The following EIF4G3 variants were observed in gnomAD, a reference collection of about 807,000 sequenced individuals.
The protein encoded by EIF4G3 is eIF-4-gamma 3.
In EIF4G3, 34 loss-of-function variants were observed where a neutral mutation model predicts 186.4. That is an observed-to-expected ratio of 0.18 (90% CI 0.14 to 0.24). The LOEUF (loss-of-function observed/expected upper bound fraction) is 0.24, where lower values mean the gene tolerates loss of function less well. EIF4G3 is among the 10% of genes least tolerant of loss of function. The probability of loss-of-function intolerance (pLI) is 1.00; values close to 1 mark genes in which losing one functional copy is unlikely to be tolerated. For missense variants in EIF4G3, 1,536 were observed against 1,948.5 expected, an observed-to-expected ratio of 0.79 and a Z score of 3.99; for synonymous variants, 673 against 679.5, an observed-to-expected ratio of 0.99 and a Z score of 0.15.
At chr1:20,814,789 C>CCCTCTT (rs1217391809) in intron 34 of EIF4G3, among the ~76,000 whole-genome samples, 138 of 106,254 alleles carry the variant, frequency 1.3e-3, no homozygotes, top group Non-Finnish European at 2.0e-3. Flanking sequence ...CTCCCCCTCT[C>CCCTCTT]CCTCTCCCCA....
intron 4 of EIF4G3, among the ~76,000 whole-genome samples, chr1:21,007,753 A>G (rs976081073): frequency 6.6e-6 from 1 of 152,014 alleles, no homozygotes; most frequent in Non-Finnish European, 1.5e-5. Flanking sequence ...TAAAAACTAT[A>G]TATATGCACA....
chr1:21,093,020 C>T (rs989633041), intron 2 of EIF4G3, among the ~76,000 whole-genome samples: 5 of 152,086 alleles, frequency 3.3e-5, no homozygotes, highest in African/African-American at 1.2e-4. Context: ...TAGGCAATAC[C>T]ATTCAGGACA....
At chr1:21,100,367 G>A (rs776936893) in intron 2 of EIF4G3, among the ~76,000 whole-genome samples, 1 of 151,928 alleles carries the variant, frequency 6.6e-6, no homozygotes, top group Non-Finnish European at 1.5e-5. Flanking sequence ...TGAATTTTAT[G>A]GTGTGTGAAT....
intron 34 of EIF4G3, among the ~76,000 whole-genome samples, chr1:20,816,316 AGGGAGGCGGGGGGGGGGGG>A (rs2060834913): frequency 5.1e-3 from 5 of 976 alleles, no homozygotes; most frequent in Admixed American, 0.029. Flanking sequence ...CCCGTCCGGG[AGGGAGGCGGGGGGGGGGGG>A]GGTCGGCCAG....
intron 4 of EIF4G3, among the ~76,000 whole-genome samples, chr1:21,010,341 A>AT: frequency 6.6e-6 from 1 of 150,502 alleles, no homozygotes; most frequent in Non-Finnish European, 1.5e-5. Flanking sequence ...AATCAGTTGA[A>AT]CCCAGGAGGC....
intron 10 of EIF4G3, among the ~76,000 whole-genome samples, chr1:20,974,148 C>A (rs929945042): frequency 1.3e-5 from 2 of 152,138 alleles, no homozygotes; most frequent in Admixed American, 1.3e-4. Flanking sequence ...CTTACCAGAT[C>A]TTCAAATACA....
At chr1:20,823,920 AGGGG>A (rs2062997766) in intron 33 of EIF4G3, among the ~76,000 whole-genome samples, 2 of 152,228 alleles carry the variant, frequency 1.3e-5, no homozygotes, top group Non-Finnish European at 2.9e-5. Context: ...GTAGAAAATA[AGGGG>A]ACCTAAGTTG....
In EIF4G3 at chr1:21,085,674, G is replaced by C. The variant is rs553059077; in HGVS notation, c.-196+3464C>G. On this transcript the variant is annotated intron_variant, in intron 3 of 36. Transcript: ENST00000602326. Reference sequence around the variant, plus strand: ...GGCCTCCCCAAGTGCTGAGATTACAGGTAGGAGACAGCACAATCAGCCAAA... The same window carrying C: ...GGCCTCCCCAAGTGCTGAGATTACACGTAGGAGACAGCACAATCAGCCAAA... 3.2e-4 allele frequency among the ~76,000 whole-genome samples: 49 copies of C among 152,200 alleles called. No individual in the cohort carries two copies. The East Asian group carries it at 7.1e-3, about 22-fold the overall frequency.
chr1:21,017,725 A>G (rs1038415651), intron 4 of EIF4G3, among the ~76,000 whole-genome samples: 1 of 151,870 alleles, frequency 6.6e-6, no homozygotes, highest in Non-Finnish European at 1.5e-5. Flanking sequence ...AAACAAAAAA[A>G]TTTAAAAAGC....
chr1:20,853,147 T>C (rs904852772), intron 27 of EIF4G3, among the ~76,000 whole-genome samples: 2 of 152,076 alleles, frequency 1.3e-5, no homozygotes, highest in African/African-American at 2.4e-5. Context: ...AGCAGAAAGA[T>C]AGTGAAATAT....
chr1:20,883,338 G>GC (rs1233376901), intron 19 of EIF4G3, among the ~76,000 whole-genome samples: 2 of 152,144 alleles, frequency 1.3e-5, no homozygotes, highest in Non-Finnish European at 2.9e-5. Context: ...GGAAATGAGG[G>GC]CCGGGGGTGG....
At chr1:21,008,868 T>C (rs984433731) in intron 4 of EIF4G3, among the ~76,000 whole-genome samples, 5 of 152,172 alleles carry the variant, frequency 3.3e-5, no homozygotes, top group Non-Finnish European at 7.4e-5. Flanking sequence ...ATAAATTGTG[T>C]TGAGAAAACT....
Position 20,960,459 on chromosome 1 carries a change from T to C in EIF4G3, c.714+9015A>G, listed in dbSNP as rs529291999. The stretch of plus-strand genomic sequence containing the variant: ...CTAGCCTGGGCAACAGAGACTCTGT[T>C]TCAAAATAAAAAAAAAATTCAGCTG... On this transcript the variant is annotated intron_variant, in intron 12 of 36. Transcript: ENST00000602326. Among the ~76,000 whole-genome samples the C allele has an allele frequency of 2.6e-5, 4 of 151,840 alleles. No homozygotes were observed. In the East Asian group the frequency reaches 7.7e-4, roughly 29 times the overall value.
intron 2 of EIF4G3, among the ~76,000 whole-genome samples, chr1:21,158,329 C>T (rs893813941): frequency 6.6e-6 from 1 of 151,536 alleles, no homozygotes; most frequent in Non-Finnish European, 1.5e-5. Context: ...GCACATACCA[C>T]CATGCCCAGG....
intron 19 of EIF4G3, among the ~76,000 whole-genome samples, chr1:20,885,581 A>G (rs894108032): frequency 6.6e-6 from 1 of 152,246 alleles, no homozygotes; most frequent in Non-Finnish European, 1.5e-5. Context: ...TGGTGCCTAG[A>G]AGCAAAAACA....
intron 33 of EIF4G3, among the ~76,000 whole-genome samples, chr1:20,820,546 C>G (rs1267054681): frequency 1.3e-5 from 2 of 152,196 alleles, no homozygotes; most frequent in Non-Finnish European, 2.9e-5. Flanking sequence ...GCCCCACCCT[C>G]AGGCCAGGGA....
At chr1:21,042,210 G>A (rs912498917) in intron 4 of EIF4G3, among the ~76,000 whole-genome samples, 2 of 151,956 alleles carry the variant, frequency 1.3e-5, no homozygotes, top group Non-Finnish European at 2.9e-5. Context: ...ACTCCTGAGC[G>A]CAAGTGAACT....
At chr1:20,920,413 G>A (rs2094395123) in intron 14 of EIF4G3, among the ~76,000 whole-genome samples, 1 of 152,080 alleles carries the variant, frequency 6.6e-6, no homozygotes, top group Non-Finnish European at 1.5e-5. Flanking sequence ...TGGCACAAAA[G>A]TAAGTAGAAA....
chr1:20,808,525 C>CA (rs796671573), intron 36 of EIF4G3, among the ~76,000 whole-genome samples: 1 of 151,814 alleles, frequency 6.6e-6, no homozygotes, highest in Non-Finnish European at 1.5e-5. Context: ...ACTAAACATA[C>CA]AAAAAATTAG....
Sources: allele counts gnomAD v4.1 joint callset (sites outside exome capture counted in the v4.1 genomes callset), GRCh38; gene constraint gnomAD v4.1.1; transcripts MANE v1.5; gene names NCBI Gene and HGNC (gene_info 2026-07-23, HGNC 2026-07-21).